Variants in HNF1B observed in about 807,000 individuals in gnomAD.
The protein encoded by HNF1B is hepatocyte nuclear factor 1-beta.
HNF1B carries 8 observed loss-of-function variants against 61.7 expected under a neutral mutation model. That is an observed-to-expected ratio of 0.13 (90% CI 0.08 to 0.23). The LOEUF (loss-of-function observed/expected upper bound fraction) is 0.23, where lower values mean the gene tolerates loss of function less well. Among genes scored for constraint, HNF1B ranks in the 10% least tolerant of loss-of-function variants. The pLI, the probability that HNF1B is intolerant of heterozygous loss-of-function variation, is 1.00. For missense variants in HNF1B, 562 were observed against 714.5 expected (o/e 0.79, Z 2.43); for synonymous variants, 314 against 287.7 (o/e 1.09, Z -0.93).
Position 37,686,690 on chromosome 17 carries a change from G to C in HNF1B, c.*682C>G, listed in dbSNP as rs529697216. 6.0e-6 allele frequency: 1 copy of C among 166,342 alleles called. No homozygotes were observed. Among genetic ancestry groups the C allele is most frequent in the Non-Finnish European group, 1.3e-5 (1 of 74,900 alleles). The allele number at this position is 166,342 out of a possible 1,614,324, so 10.3% of individuals were successfully genotyped here. A position where few individuals can be genotyped will look rare whatever the true frequency, so the allele number is the denominator to read the frequency against. On this transcript the variant is annotated 3_prime_UTR_variant, in exon 9 of 9. Transcript: ENST00000617811. ...GCTGTCCCCATAAGTGTCCAGGCCC[G>C]CGGGAGAGGACAAGGGGCTTCACTT...
In HNF1B at chr17:37,739,426, A is replaced by G. The variant is rs759120365; in HGVS notation, c.544+14T>C. ...CACTTCAGGTTGAGGCAGAGGCAGG[A>G]TGAAAACACTTACGTCGGAGGATCT... On this transcript the variant is annotated intron_variant, in intron 2 of 8. Transcript: ENST00000617811. 6.5e-5 allele frequency: 105 copies of G among 1,613,458 alleles called. No individual in the cohort carries two copies. Among genetic ancestry groups the G allele is most frequent in the Non-Finnish European group, 8.2e-5 (97 of 1,179,646 alleles).
chr17:37,688,785 G>A (rs575134130), intron 8 of HNF1B, among the ~76,000 whole-genome samples: 233 of 152,238 alleles, frequency 1.5e-3, no homozygotes, highest in Non-Finnish European at 2.8e-3. Context: ...CATGGTCCTT[G>A]GCACAATTGT....
intron 2 of HNF1B, among the ~76,000 whole-genome samples, chr17:37,735,769 C>G (rs1205073277): frequency 6.6e-6 from 1 of 152,058 alleles, no homozygotes; most frequent in Non-Finnish European, 1.5e-5. Context: ...TATACTTTTT[C>G]TTTTTTTCAA....
chr17:37,695,732 T>A (rs1568634553), intron 8 of HNF1B, among the ~76,000 whole-genome samples: 1 of 152,288 alleles, frequency 6.6e-6, no homozygotes, highest in South Asian at 2.1e-4. Flanking sequence ...CAGACTTGCA[T>A]GGGGTGTTAC....
At chr17:37,743,592 G>A (rs1193808353) in intron 1 of HNF1B, among the ~76,000 whole-genome samples, 1 of 152,256 alleles carries the variant, frequency 6.6e-6, no homozygotes, top group Non-Finnish European at 1.5e-5. Flanking sequence ...AGTGTCCGAA[G>A]CCACGCGATG....
chr17:37,691,836 G>A (rs1368696358), intron 8 of HNF1B, among the ~76,000 whole-genome samples: 1 of 152,166 alleles, frequency 6.6e-6, no homozygotes, highest in Non-Finnish European at 1.5e-5. Flanking sequence ...AGCTGGGAGA[G>A]GAATAGCCGA....
intron 4 of HNF1B, among the ~76,000 whole-genome samples, chr17:37,717,912 T>C (rs996007860): frequency 2.6e-5 from 4 of 152,276 alleles, no homozygotes; most frequent in Non-Finnish European, 5.9e-5. Flanking sequence ...TCTGCAAATG[T>C]GGAAGAAAAA....
chr17:37,695,645 A>G (rs1358126790), intron 8 of HNF1B, among the ~76,000 whole-genome samples: 1 of 152,244 alleles, frequency 6.6e-6, no homozygotes, highest in Non-Finnish European at 1.5e-5. Context: ...CTGGCACACC[A>G]ATGTGCCCAG....
At chr17:37,711,191 C>T (rs1449515044) in intron 4 of HNF1B, among the ~76,000 whole-genome samples, 2 of 152,236 alleles carry the variant, frequency 1.3e-5, no homozygotes, top group Non-Finnish European at 2.9e-5. Flanking sequence ...GCTTAGGCAT[C>T]AGTCTCTGTG....
At chr17:37,719,193 G>C (rs1423176977) in intron 4 of HNF1B, among the ~76,000 whole-genome samples, 1 of 151,984 alleles carries the variant, frequency 6.6e-6, no homozygotes, top group Non-Finnish European at 1.5e-5. Flanking sequence ...TCAAACTCCT[G>C]GGCTCAAGTA....
At chr17:37,723,181 A>AG (rs2033377235) in intron 4 of HNF1B, among the ~76,000 whole-genome samples, 1 of 151,562 alleles carries the variant, frequency 6.6e-6, no homozygotes, top group African/African-American at 2.4e-5. Flanking sequence ...CTACTAAAAA[A>AG]AAAAAAATAC....
chr17:37,720,463 G>A (rs2033272905), intron 4 of HNF1B, among the ~76,000 whole-genome samples: 2 of 151,784 alleles, frequency 1.3e-5, no homozygotes, highest in South Asian at 4.2e-4. Flanking sequence ...GGTTGAAGCT[G>A]GGTGACACTG....
chr17:37,742,507 G>A (rs2034023860), intron 1 of HNF1B, among the ~76,000 whole-genome samples: 1 of 152,226 alleles, frequency 6.6e-6, no homozygotes, highest in South Asian at 2.1e-4. Context: ...AGTGACCTAG[G>A]AACCGCTAGC....
At chr17:37,733,215 G>A (rs1284934936) in intron 3 of HNF1B, among the ~76,000 whole-genome samples, 1 of 152,160 alleles carries the variant, frequency 6.6e-6, no homozygotes, top group Non-Finnish European at 1.5e-5. Flanking sequence ...GCATTCTCCA[G>A]AGTATCTTCC....
At chr17:37,698,052 A>ATC (rs141654903) in intron 8 of HNF1B, among the ~76,000 whole-genome samples, 40,021 of 151,978 alleles carry the variant, frequency 0.26, 5,884 homozygotes, top group Admixed American at 0.35. Flanking sequence ...GGGCAAAGGA[A>ATC]AGGATAGAGA....
At chr17:37,736,295 G>GA (rs918792458) in intron 2 of HNF1B, among the ~76,000 whole-genome samples, 5 of 152,196 alleles carry the variant, frequency 3.3e-5, no homozygotes, top group Admixed American at 6.5e-5. Context: ...GGAGCAATGT[G>GA]AGATTTTTTC....
chr17:37,692,613 C>CATTT (rs956877874), intron 8 of HNF1B, among the ~76,000 whole-genome samples: 23,927 of 152,096 alleles, frequency 0.16, 2,407 homozygotes, highest in African/African-American at 0.29. Context: ...TTCATTCGTT[C>CATTT]GTTCGTTCAT....
At position 37,745,050 on chromosome 17, in the gene HNF1B, G is replaced by T; in HGVS notation, c.-166C>A. 1 of 629,864 alleles carries T rather than the reference G, an allele frequency of 1.6e-6. No homozygotes were observed. Among genetic ancestry groups the T allele is most frequent in the Non-Finnish European group, 2.8e-6 (1 of 357,414 alleles). 39.0% of individuals were successfully genotyped at this position (629,864 alleles called of 1,614,324 possible). A position where few individuals can be genotyped will look rare whatever the true frequency, so the allele number is the denominator to read the frequency against. ...CCGGAGGCTCCTCCGAAAGGAGTCAGAAAACTTCTAACTTGCCATGATCGC... is the reference window on the plus strand; with the variant it reads ...CCGGAGGCTCCTCCGAAAGGAGTCATAAAACTTCTAACTTGCCATGATCGC... On this transcript the variant is annotated 5_prime_UTR_variant, in exon 1 of 9. In the 5' UTR this introduces an upstream ATG that the reference lacks. Transcript: ENST00000617811.
intron 4 of HNF1B, among the ~76,000 whole-genome samples, chr17:37,725,702 A>G (rs2033472834): frequency 6.6e-6 from 1 of 152,240 alleles, no homozygotes; most frequent in African/African-American, 2.4e-5. Context: ...CTACTTAAGG[A>G]CAATGGGCCT....
Sources: gnomAD v4.1 joint callset for allele counts (sites outside exome capture counted in the v4.1 genomes callset) on GRCh38, gnomAD v4.1.1 for gene constraint, MANE v1.5 for transcripts, NCBI Gene and HGNC (gene_info 2026-07-23, HGNC 2026-07-21) for gene names.